Variants in RARB observed in about 807,000 individuals in gnomAD.
RARB encodes the protein retinoic acid receptor beta.
Under a neutral mutation model 51.9 loss-of-function variants are expected in RARB, and 17 were observed. The observed-to-expected ratio is 0.33, with a 90% CI of 0.22 to 0.49. The LOEUF (loss-of-function observed/expected upper bound fraction) is 0.49. Ranked by LOEUF, RARB falls within the 20% of genes least tolerant of loss-of-function variation. The pLI is 0.99. For missense variants in RARB, 369 were observed against 550.8 expected, an observed-to-expected ratio of 0.67 and a Z score of 3.30; for synonymous variants, 215 against 195.4, an observed-to-expected ratio of 1.10 and a Z score of -0.84.
chr3:25,320,738 T>C (rs1704546906), intron 5 of RARB, among the ~76,000 whole-genome samples: 1 of 152,232 alleles, frequency 6.6e-6, no homozygotes, highest in Non-Finnish European at 1.5e-5. Context: ...AGGAGCTTTT[T>C]GTGAAACCTG....
intron 1 of RARB, among the ~76,000 whole-genome samples, chr3:24,848,460 A>G (rs1242226249): frequency 6.6e-6 from 1 of 152,194 alleles, no homozygotes; most frequent in African/African-American, 2.4e-5. Flanking sequence ...AGTCATGACT[A>G]GAGCATTCTT....
chr3:25,156,725 C>G (rs1214661898), intron 4 of RARB, among the ~76,000 whole-genome samples: 1 of 151,902 alleles, frequency 6.6e-6, no homozygotes. Flanking sequence ...ATAAGATGTC[C>G]AAGGCTGTAT....
chr3:24,934,720 C>G (rs937403825), intron 2 of RARB, among the ~76,000 whole-genome samples: 1 of 152,014 alleles, frequency 6.6e-6, no homozygotes, highest in African/African-American at 2.4e-5. Flanking sequence ...AAATGCTTGG[C>G]CATATTCCTA....
At chr3:25,405,857 T>C (rs1707392385) in intron 5 of RARB, among the ~76,000 whole-genome samples, 3 of 152,114 alleles carry the variant, frequency 2.0e-5, no homozygotes, top group African/African-American at 7.2e-5. Flanking sequence ...TCATGGCAGA[T>C]GTGGCATAGG....
At chr3:25,355,827 T>C (rs1575337094) in intron 5 of RARB, among the ~76,000 whole-genome samples, 1 of 152,162 alleles carries the variant, frequency 6.6e-6, no homozygotes, top group Non-Finnish European at 1.5e-5. Context: ...TCATAATACA[T>C]ACTTGGGCCA....
chr3:25,208,822 C>T (rs577108912), intron 5 of RARB, among the ~76,000 whole-genome samples: 30 of 152,222 alleles, frequency 2.0e-4, no homozygotes, highest in Non-Finnish European at 3.5e-4. Flanking sequence ...GGGAAGGTGA[C>T]CTGGACTCAG....
chr3:24,859,474 C>T (rs962963424), intron 2 of RARB, among the ~76,000 whole-genome samples: 1 of 152,196 alleles, frequency 6.6e-6, no homozygotes, highest in African/African-American at 2.4e-5. Flanking sequence ...GGAAGTTAAA[C>T]AGACTCTTCT....
chr3:24,863,154 C>G (rs1037274785), intron 2 of RARB, among the ~76,000 whole-genome samples: 3 of 152,186 alleles, frequency 2.0e-5, no homozygotes, highest in African/African-American at 7.2e-5. Flanking sequence ...TCAGGAGCAT[C>G]CATTTTGAGA....
intron 5 of RARB, among the ~76,000 whole-genome samples, chr3:25,378,579 A>G (rs757619255): frequency 2.0e-5 from 3 of 152,204 alleles, no homozygotes; most frequent in South Asian, 2.1e-4. Flanking sequence ...ATTCCTCTGT[A>G]TGTTCTCTGC....
chr3:25,171,279 A>G (rs929638656), intron 4 of RARB, among the ~76,000 whole-genome samples: 1 of 151,968 alleles, frequency 6.6e-6, no homozygotes, highest in Admixed American at 6.6e-5. Flanking sequence ...TCAGACTTAA[A>G]GAAAAAAGAG....
At chr3:25,260,525 C>T (rs190564965) in intron 5 of RARB, among the ~76,000 whole-genome samples, 1 of 152,012 alleles carries the variant, frequency 6.6e-6, no homozygotes, top group Non-Finnish European at 1.5e-5. Context: ...AGTTCTTAAT[C>T]AAAAATCCGA....
chr3:25,393,319 G>A (rs1707025121), intron 5 of RARB, among the ~76,000 whole-genome samples: 1 of 151,464 alleles, frequency 6.6e-6, no homozygotes, highest in Admixed American at 6.6e-5. Context: ...GAGGATTTTT[G>A]TGTCTATGTT....
At chr3:24,873,262 T>A (rs562574343) in intron 2 of RARB, among the ~76,000 whole-genome samples, 1 of 152,232 alleles carries the variant, frequency 6.6e-6, no homozygotes, top group Non-Finnish European at 1.5e-5. Context: ...GAATTTTCTT[T>A]GTGAACATAC....
At chr3:24,872,749 C>T (rs1686458593) in intron 2 of RARB, among the ~76,000 whole-genome samples, 1 of 152,172 alleles carries the variant, frequency 6.6e-6, no homozygotes, top group Non-Finnish European at 1.5e-5. Flanking sequence ...GGCCCCAACT[C>T]TAACACTGGG....
chr3:25,287,587 T>A (rs1703687470), intron 5 of RARB, among the ~76,000 whole-genome samples: 1 of 152,194 alleles, frequency 6.6e-6, no homozygotes, highest in Admixed American at 6.5e-5. Flanking sequence ...CAAGCAGGCT[T>A]CTCCAGCTTC....
At chr3:24,953,322 T>C (rs1315518889) in intron 2 of RARB, among the ~76,000 whole-genome samples, 1 of 151,728 alleles carries the variant, frequency 6.6e-6, no homozygotes, top group East Asian at 1.9e-4. Context: ...AAAAAAGAAA[T>C]GAAAATTAGG....
At chr3:25,155,457 CT>C (rs1700358774) in intron 4 of RARB, among the ~76,000 whole-genome samples, 1 of 152,172 alleles carries the variant, frequency 6.6e-6, no homozygotes, top group African/African-American at 2.4e-5. Context: ...TGAATTGGAA[CT>C]GAACAGAATT....
chr3:25,268,309 C>T (rs1703172262), intron 5 of RARB, among the ~76,000 whole-genome samples: 1 of 151,822 alleles, frequency 6.6e-6, no homozygotes, highest in African/African-American at 2.4e-5. Context: ...TAATGTTGGA[C>T]CTATTCAGGT....
intron 3 of RARB, among the ~76,000 whole-genome samples, chr3:25,099,877 G>A (rs566993638): frequency 1.3e-5 from 2 of 152,254 alleles, no homozygotes; most frequent in Admixed American, 6.5e-5. Flanking sequence ...GGACACGCAG[G>A]AAAGCCATGG....
Sources: gnomAD v4.1 joint callset for allele counts (sites outside exome capture counted in the v4.1 genomes callset) on GRCh38, gnomAD v4.1.1 for gene constraint, MANE v1.5 for transcripts, NCBI Gene and HGNC (gene_info 2026-07-23, HGNC 2026-07-21) for gene names.